Variants in SHQ1 observed in about 807,000 individuals in gnomAD.
The protein encoded by SHQ1 is SHQ1, H/ACA ribonucleoprotein assembly factor, also known as protein SHQ1 homolog.
Under a neutral mutation model 53.8 loss-of-function variants are expected in SHQ1, and 49 were observed. That is an observed-to-expected ratio of 0.91 (90% confidence interval 0.72 to 1.16). The LOEUF (loss-of-function observed/expected upper bound fraction) is 1.16. Ranked by LOEUF, SHQ1 falls within the 50% of genes most tolerant of loss-of-function variation. The pLI, the probability that SHQ1 is intolerant of heterozygous loss-of-function variation, is 0.00. For synonymous variants in SHQ1, 243 were observed against 251.0 expected (o/e 0.97, Z 0.30); for missense variants, 738 against 683.1 (o/e 1.08, Z -0.90).
intron 10 of SHQ1, among the ~76,000 whole-genome samples, chr3:72,752,557 T>C (rs1320175019): frequency 6.6e-6 from 1 of 152,076 alleles, no homozygotes; most frequent in African/African-American, 2.4e-5. Context: ...AGACAGAGTC[T>C]CACTGTGTCG....
rs779616295 is a variant in SHQ1 at position 72,750,865 on chromosome 3, G to A, written c.1182-29C>T. On this transcript the variant is annotated intron_variant, in intron 10 of 10. Transcript: ENST00000325599. ...GAAAACATTTTAAAAAGAAAGATTA[G>A]AATTATTTATTAATTGGCCTGGGGA... The A allele has an allele frequency of 1.4e-5, 21 of 1,473,886 alleles. No individual in the cohort carries two copies. The Middle Eastern group carries it at 8.9e-4, about 62-fold the overall frequency. 91.3% of individuals were successfully genotyped at this position (1,473,886 alleles called of 1,614,324 possible).
chr3:72,831,899 T>C (rs1168522241), intron 5 of SHQ1, among the ~76,000 whole-genome samples: 1 of 152,224 alleles, frequency 6.6e-6, no homozygotes, highest in Admixed American at 6.5e-5. Flanking sequence ...TAATTATTTG[T>C]TCATTGGAAA....
At chr3:72,834,357 C>T (rs925278753) in intron 4 of SHQ1, among the ~76,000 whole-genome samples, 2 of 152,150 alleles carry the variant, frequency 1.3e-5, no homozygotes, top group Non-Finnish European at 2.9e-5. Context: ...GGCGAAACCC[C>T]GTCTCTACTA....
intron 2 of SHQ1, among the ~76,000 whole-genome samples, chr3:72,843,506 T>C (rs1708240070): frequency 6.6e-6 from 1 of 152,240 alleles, no homozygotes; most frequent in Non-Finnish European, 1.5e-5. Context: ...TTTTAAAACA[T>C]TTTGCCTCTT....
At chr3:72,779,772 T>C (rs1706034945) in intron 10 of SHQ1, among the ~76,000 whole-genome samples, 1 of 152,188 alleles carries the variant, frequency 6.6e-6, no homozygotes, top group Non-Finnish European at 1.5e-5. Flanking sequence ...TGCCCAAGCC[T>C]CAAGAGGAGA....
intron 10 of SHQ1, among the ~76,000 whole-genome samples, chr3:72,775,791 T>C (rs1354797489): frequency 2.6e-5 from 4 of 152,048 alleles, no homozygotes; most frequent in Non-Finnish European, 4.4e-5. Context: ...AAGGAAAAAA[T>C]TTTTAAGATC....
At chr3:72,764,370 G>A (rs755668020) in intron 10 of SHQ1, among the ~76,000 whole-genome samples, 8 of 152,116 alleles carry the variant, frequency 5.3e-5, no homozygotes, top group Non-Finnish European at 1.2e-4. Flanking sequence ...AGTATTCAAC[G>A]ACTGCCTCAG....
At chr3:72,798,792 T>C (rs1706703222) in intron 9 of SHQ1, among the ~76,000 whole-genome samples, 1 of 152,256 alleles carries the variant, frequency 6.6e-6, no homozygotes, top group South Asian at 2.1e-4. Flanking sequence ...GGGTAGTGGA[T>C]GTTTTTGCTG....
intron 10 of SHQ1, among the ~76,000 whole-genome samples, chr3:72,763,069 A>T (rs942364975): frequency 3.8e-4 from 58 of 151,526 alleles, no homozygotes; most frequent in Non-Finnish European, 6.8e-4. Context: ...ACACAGAGAG[A>T]GAGAGAGAGA....
intron 10 of SHQ1, chr3:72,773,408 G>T: frequency 2.3e-6 from 1 of 442,166 alleles, no homozygotes; most frequent in Non-Finnish European, 4.4e-6. Flanking sequence ...AGTAGCAGTG[G>T]TGGTAGATGA....
intron 10 of SHQ1, among the ~76,000 whole-genome samples, chr3:72,757,531 G>A (rs1216173067): frequency 2.7e-5 from 4 of 145,916 alleles, no homozygotes; most frequent in South Asian, 2.1e-4. Flanking sequence ...GTGGAACTAC[G>A]GGTACGTGCC....
intron 9 of SHQ1, among the ~76,000 whole-genome samples, chr3:72,799,720 A>G (rs1424148435): frequency 2.0e-5 from 3 of 152,230 alleles, no homozygotes; most frequent in Non-Finnish European, 2.9e-5. Flanking sequence ...ATCCATTTAA[A>G]AAGTATTGTT....
intron 4 of SHQ1, among the ~76,000 whole-genome samples, chr3:72,836,058 C>T (rs969662073): frequency 3.3e-5 from 5 of 152,230 alleles, no homozygotes; most frequent in Non-Finnish European, 5.9e-5. Flanking sequence ...AATATTAAAT[C>T]ATCTATTCTG....
chr3:72,825,746 C>T (rs564256760), intron 5 of SHQ1, among the ~76,000 whole-genome samples: 9 of 152,136 alleles, frequency 5.9e-5, no homozygotes, highest in Non-Finnish European at 1.3e-4. Flanking sequence ...TGCTTTGATA[C>T]ACTGAATTTT....
chr3:72,768,980 C>T (rs1001021965), intron 10 of SHQ1, among the ~76,000 whole-genome samples: 3 of 152,200 alleles, frequency 2.0e-5, no homozygotes, highest in Non-Finnish European at 4.4e-5. Flanking sequence ...CCCAGCTATA[C>T]AGCAGTGCAC....
intron 4 of SHQ1, among the ~76,000 whole-genome samples, chr3:72,835,946 T>C (rs954398515): frequency 6.6e-6 from 1 of 152,222 alleles, no homozygotes; most frequent in Non-Finnish European, 1.5e-5. Context: ...TTGTTATGTG[T>C]TTACATAATT....
intron 2 of SHQ1, among the ~76,000 whole-genome samples, chr3:72,843,246 CT>C (rs1708231072): frequency 6.6e-6 from 1 of 152,050 alleles, no homozygotes; most frequent in African/African-American, 2.4e-5. Context: ...AATTAGACTT[CT>C]GGGAAAGGAG....
chr3:72,799,832 A>G (rs529762587), intron 9 of SHQ1, among the ~76,000 whole-genome samples: 15 of 152,162 alleles, frequency 9.9e-5, no homozygotes, highest in African/African-American at 3.4e-4. Context: ...ACAACCCTCA[A>G]TTCAACTCAT....
In SHQ1 at chr3:72,750,439, C is replaced by G. The variant is rs545967919; in HGVS notation, c.1579G>C (p.Ala527Pro). Residue 527 changes from alanine (A) to proline (P), a missense_variant, in exon 11 of 11, where the codon GCC (alanine) becomes CCC (proline). Coordinates refer to ENST00000325599, the MANE Select transcript of SHQ1 (RefSeq NM_018130.3). Reference protein sequence around the residue: ...ESDASQGKPLASSWPLGVSGP... With the variant: ...ESDASQGKPLPSSWPLGVSGP... ...GACACTCCAAGAGGCCAGGAAGAGG[C>G]AAGTGGCTTTCCCTGACTGGCATCA... 1.9e-6 allele frequency: 3 copies of G among 1,614,176 alleles called. No individual in the cohort carries two copies. Among genetic ancestry groups the G allele is most frequent in the South Asian group, 1.1e-5 (1 of 91,082 alleles).
Sources: allele counts gnomAD v4.1 joint callset (sites outside exome capture counted in the v4.1 genomes callset), GRCh38; gene constraint gnomAD v4.1.1; transcripts MANE v1.5; gene names NCBI Gene and HGNC (gene_info 2026-07-23, HGNC 2026-07-21).